The following CDH12 variants were observed in gnomAD, a reference collection of about 807,000 sequenced individuals.
The protein encoded by CDH12 is cadherin 12.
In CDH12, 41 loss-of-function variants were observed where a neutral mutation model predicts 74.1. The observed-to-expected ratio is 0.55, with a 90% CI of 0.43 to 0.72. The LOEUF is 0.72. CDH12 is among the 30% of genes least tolerant of loss of function. The probability of loss-of-function intolerance (pLI) is 0.00; values close to 1 mark genes in which losing one functional copy is unlikely to be tolerated. For synonymous variants in CDH12, 399 were observed against 355.0 expected (o/e 1.12, Z -1.39); for missense variants, 945 against 977.2 (o/e 0.97, Z 0.44).
At position 21,787,109 on chromosome 5, in the gene CDH12, A is replaced by G. The variant is rs78439632; in HGVS notation, c.1257-3615T>C. Among the ~76,000 whole-genome samples, 402 of 152,294 alleles carry G rather than the reference A, an allele frequency of 2.6e-3. 4 individuals carry two copies. Among genetic ancestry groups the G allele is most frequent in the Admixed American group, 0.017 (265 of 15,282 alleles). ...GAAATCATAACAAAATAATTAAAATATTATATAAACAGTTAATAAACAGTG... is the reference window on the plus strand; with the variant it reads ...GAAATCATAACAAAATAATTAAAATGTTATATAAACAGTTAATAAACAGTG... On this transcript the variant is annotated intron_variant, in intron 10 of 14. Transcript: ENST00000382254.
intron 2 of CDH12, among the ~76,000 whole-genome samples, chr5:22,434,124 C>A (rs1744280310): frequency 6.6e-6 from 1 of 151,984 alleles, no homozygotes; most frequent in African/African-American, 2.4e-5. Flanking sequence ...AGAAATGACT[C>A]CACAAATATT....
chr5:22,748,199 T>C (rs1196418588), intron 1 of CDH12, among the ~76,000 whole-genome samples: 1 of 152,226 alleles, frequency 6.6e-6, no homozygotes, highest in African/African-American at 2.4e-5. Context: ...ATAAATTCTA[T>C]TTTCTGTATA....
At chr5:22,065,239 T>C (rs1741473868) in intron 5 of CDH12, among the ~76,000 whole-genome samples, 2 of 152,052 alleles carry the variant, frequency 1.3e-5, no homozygotes, top group African/African-American at 4.8e-5. Flanking sequence ...GTGTGACCCA[T>C]GAGGTGATGC....
At chr5:21,845,930 T>C (rs1242840317) in intron 7 of CDH12, among the ~76,000 whole-genome samples, 1 of 152,070 alleles carries the variant, frequency 6.6e-6, no homozygotes, top group Admixed American at 6.6e-5. Context: ...CAGACATAGA[T>C]AAGCAAGCTG....
intron 1 of CDH12, among the ~76,000 whole-genome samples, chr5:22,564,685 T>C (rs896501755): frequency 2.6e-5 from 4 of 152,222 alleles, no homozygotes; most frequent in Admixed American, 2.6e-4. Context: ...TTACTCTAGA[T>C]ACTCATCTTT....
intron 5 of CDH12, among the ~76,000 whole-genome samples, chr5:22,011,759 C>A (rs1374424039): frequency 6.6e-6 from 1 of 152,024 alleles, no homozygotes; most frequent in Non-Finnish European, 1.5e-5. Context: ...GAAAAAAGAA[C>A]ATGAAATAAG....
chr5:21,764,664 A>G (rs1347633823), intron 12 of CDH12, among the ~76,000 whole-genome samples: 1 of 150,966 alleles, frequency 6.6e-6, no homozygotes, highest in South Asian at 2.1e-4. Context: ...AAAAAAAAAA[A>G]AAAAGAAAAG....
intron 5 of CDH12, among the ~76,000 whole-genome samples, chr5:22,046,203 T>G (rs1193739458): frequency 6.6e-6 from 1 of 152,080 alleles, no homozygotes; most frequent in African/African-American, 2.4e-5. Context: ...TAAAAATAAT[T>G]TAAAAACTGA....
chr5:22,188,136 G>A (rs1015892005), intron 4 of CDH12, among the ~76,000 whole-genome samples: 1 of 151,252 alleles, frequency 6.6e-6, no homozygotes, highest in African/African-American at 2.4e-5. Flanking sequence ...TTTGGGTTGT[G>A]GGGGTGGATC....
chr5:22,058,735 GAAAA>G (rs200879677), intron 5 of CDH12, among the ~76,000 whole-genome samples: 4 of 111,802 alleles, frequency 3.6e-5, no homozygotes, highest in Admixed American at 1.1e-4. Context: ...GAGAAAGAAA[GAAAA>G]AAAGGAAGGA....
intron 1 of CDH12, among the ~76,000 whole-genome samples, chr5:22,680,470 G>A (rs1037353652): frequency 2.6e-5 from 4 of 151,732 alleles, no homozygotes; most frequent in Admixed American, 6.6e-5. Context: ...TCCAACTCAC[G>A]TATTTTATTC....
chr5:22,162,890 AC>A (rs1467462680), intron 4 of CDH12, among the ~76,000 whole-genome samples: 40 of 100,196 alleles, frequency 4.0e-4, no homozygotes, highest in African/African-American at 1.4e-3. Context: ...CTTCCCTCTG[AC>A]TTTTTTTTTT....
In CDH12 at chr5:22,508,757, G is replaced by A. The variant is rs187190971; in HGVS notation, c.-522-3393C>T. Among the ~76,000 whole-genome samples, 64 of 151,916 alleles carry A rather than the reference G, an allele frequency of 4.2e-4. 1 individual carries two copies. Among genetic ancestry groups the A allele is most frequent in the African/African-American group, 1.2e-4 (5 of 41,432 alleles). ...TACAGCCTGGAAACCACCCCCTCCC[G>A]CCCCACAGCTTTGAGTTGTGCCACC... On this transcript the variant is annotated intron_variant, in intron 1 of 14. Transcript: ENST00000382254.
chr5:21,788,455 A>G (rs959212745), intron 10 of CDH12, among the ~76,000 whole-genome samples: 2 of 152,136 alleles, frequency 1.3e-5, no homozygotes, highest in African/African-American at 4.8e-5. Flanking sequence ...ACATGGAAAA[A>G]AATGAGTGAT....
At chr5:22,118,789 A>G (rs1426493976) in intron 4 of CDH12, among the ~76,000 whole-genome samples, 1 of 152,042 alleles carries the variant, frequency 6.6e-6, no homozygotes, top group Non-Finnish European at 1.5e-5. Context: ...TCTGCATCAT[A>G]CATCTGAACG....
chr5:22,224,880 TA>T (rs558308831), intron 3 of CDH12, among the ~76,000 whole-genome samples: 15 of 151,832 alleles, frequency 9.9e-5, no homozygotes, highest in South Asian at 2.1e-4. Flanking sequence ...TATTATATAT[TA>T]AAAAAAGTAT....
At chr5:22,090,248 A>G (rs978540231) in intron 4 of CDH12, among the ~76,000 whole-genome samples, 1 of 152,002 alleles carries the variant, frequency 6.6e-6, no homozygotes, top group Non-Finnish European at 1.5e-5. Flanking sequence ...AACAAATACC[A>G]TGAACAACTT....
rs186312242 is a variant in CDH12, at chr5:22,061,829, T to C, written c.231+16617A>G. ...TTTCTGGTGCCAATATAACTTGTACTATGTGACACTCTACATTCTTAGTCA... is the reference window on the plus strand; with the variant it reads ...TTTCTGGTGCCAATATAACTTGTACCATGTGACACTCTACATTCTTAGTCA... On this transcript the variant is annotated intron_variant, in intron 5 of 14. Coordinates refer to ENST00000382254, the MANE Select transcript of CDH12 (RefSeq NM_004061.5). 1.1e-3 allele frequency among the ~76,000 whole-genome samples: 175 copies of C among 152,270 alleles called. 2 individuals are homozygous for C. The highest frequency in any genetic ancestry group is 0.01 in the Admixed American group (158 of 15,268).
chr5:22,452,892 A>AT (rs1454553046), intron 2 of CDH12, among the ~76,000 whole-genome samples: 8 of 147,606 alleles, frequency 5.4e-5, no homozygotes, highest in East Asian at 4.0e-4. Context: ...AAAAAAAAAA[A>AT]AAAAAAAAAA....
Sources: allele counts gnomAD v4.1 joint callset (sites outside exome capture counted in the v4.1 genomes callset), GRCh38; gene constraint gnomAD v4.1.1; transcripts MANE v1.5; gene names NCBI Gene and HGNC (gene_info 2026-07-23, HGNC 2026-07-21).